PCCA: variants seen among roughly 807,000 people sequenced by gnomAD.
PCCA encodes the protein propionyl-CoA carboxylase subunit alpha.
Under a neutral mutation model 101.3 loss-of-function variants are expected in PCCA, and 74 were observed. The observed-to-expected ratio is 0.73, with a 90% CI of 0.61 to 0.89. PCCA has a LOEUF of 0.89. PCCA is among the 40% of genes least tolerant of loss of function. The probability of loss-of-function intolerance (pLI) is 0.00; values close to 1 mark genes in which losing one functional copy is unlikely to be tolerated. For missense variants in PCCA, 891 were observed against 907.0 expected (o/e 0.98, Z 0.23); for synonymous variants, 294 against 313.6 (o/e 0.94, Z 0.66).
intron 7 of PCCA, among the ~76,000 whole-genome samples, chr13:100,218,080 A>T (rs1248721675): frequency 6.6e-6 from 1 of 151,652 alleles, no homozygotes; most frequent in Non-Finnish European, 1.5e-5. Flanking sequence ...GTCTAAAAAA[A>T]AAAAAAAATC....
intron 4 of PCCA, among the ~76,000 whole-genome samples, chr13:100,148,675 A>C (rs1594371016): frequency 6.6e-6 from 1 of 152,300 alleles, no homozygotes; most frequent in Non-Finnish European, 1.5e-5. Flanking sequence ...CTTGCAAGAC[A>C]AAGACTAAAA....
intron 20 of PCCA, among the ~76,000 whole-genome samples, chr13:100,437,077 A>G (rs2079988077): frequency 6.6e-6 from 1 of 152,150 alleles, no homozygotes; most frequent in South Asian, 2.1e-4. Context: ...TGACAAGTGT[A>G]GATAGCTATT....
intron 8 of PCCA, among the ~76,000 whole-genome samples, chr13:100,251,149 T>G (rs2061727447): frequency 6.6e-6 from 1 of 152,164 alleles, no homozygotes; most frequent in Non-Finnish European, 1.5e-5. Context: ...AGTATTATGA[T>G]AACTGAGATA....
intron 21 of PCCA, among the ~76,000 whole-genome samples, chr13:100,469,624 G>A (rs539832842): frequency 6.6e-6 from 1 of 151,766 alleles, no homozygotes; most frequent in East Asian, 1.9e-4. Context: ...TAAAAATACA[G>A]TATTAGCTGG....
intron 23 of PCCA, among the ~76,000 whole-genome samples, chr13:100,528,726 A>G (rs894663130): frequency 2.0e-5 from 3 of 152,228 alleles, no homozygotes; most frequent in African/African-American, 4.8e-5. Context: ...GAGTAGAATG[A>G]CATGATTTGT....
chr13:100,302,718 T>C (rs1008778184), intron 13 of PCCA, among the ~76,000 whole-genome samples: 1 of 152,208 alleles, frequency 6.6e-6, no homozygotes, highest in African/African-American at 2.4e-5. Flanking sequence ...AAGGTCAGGC[T>C]AAATTCTGCT....
intron 19 of PCCA, among the ~76,000 whole-genome samples, chr13:100,395,419 TAATC>T (rs947993894): frequency 6.6e-6 from 1 of 152,186 alleles, no homozygotes; most frequent in African/African-American, 2.4e-5. Context: ...AGATTAAAAA[TAATC>T]AACAAAGGCT....
chr13:100,284,586 C>T (rs149546888), intron 12 of PCCA, among the ~76,000 whole-genome samples: 239 of 151,162 alleles, frequency 1.6e-3, no homozygotes, highest in African/African-American at 5.5e-3. Flanking sequence ...AAAAACTGAA[C>T]GGTCAGTGGA....
In PCCA at chr13:100,264,160, GTATCTGTATATCGTATATATGTGA is replaced by G. The variant is rs1566823141; in HGVS notation, c.819+1342_819+1365del. Among the ~76,000 whole-genome samples the G allele has an allele frequency of 1.0e-4, 7 of 66,880 alleles. 3 individuals carry two copies. The highest frequency in any genetic ancestry group is 7.4e-4 in the South Asian group (2 of 2,686). The allele number at this position is 66,880 out of a possible 152,430, so 43.9% of individuals were successfully genotyped here. On this transcript the variant is annotated intron_variant, in intron 10 of 23. Coordinates refer to ENST00000376285, the MANE Select transcript of PCCA (RefSeq NM_000282.4). ...GGTATCTGTATATCGTATATATATG[GTATCTGTATATCGTATATATGTGA>G]TATCTGTATATCATATATGTGATAT... is the stretch of plus-strand genomic sequence containing the variant.
intron 22 of PCCA, among the ~76,000 whole-genome samples, chr13:100,521,579 C>A (rs1191177059): frequency 6.6e-6 from 1 of 152,228 alleles, no homozygotes; most frequent in Non-Finnish European, 1.5e-5. Flanking sequence ...CAGGAAATAT[C>A]AGGGGATATT....
intron 21 of PCCA, among the ~76,000 whole-genome samples, chr13:100,464,249 TAG>T (rs1436882963): frequency 1.3e-5 from 2 of 152,200 alleles, no homozygotes; most frequent in Non-Finnish European, 2.9e-5. Context: ...GAGGAATAAG[TAG>T]AGTTTGTCTT....
At chr13:100,488,249 A>G (rs1378943750) in intron 21 of PCCA, among the ~76,000 whole-genome samples, 2 of 152,082 alleles carry the variant, frequency 1.3e-5, no homozygotes, top group Admixed American at 6.5e-5. Context: ...ATGCGCCACC[A>G]TGCACGGCTA....
intron 6 of PCCA, among the ~76,000 whole-genome samples, chr13:100,204,474 T>G (rs2058733678): frequency 6.6e-6 from 1 of 152,220 alleles, no homozygotes; most frequent in African/African-American, 2.4e-5. Flanking sequence ...CCTGGTTTTG[T>G]AGTTATCCAA....
intron 6 of PCCA, among the ~76,000 whole-genome samples, chr13:100,169,161 G>A (rs1011540867): frequency 6.6e-6 from 1 of 152,156 alleles, no homozygotes; most frequent in Non-Finnish European, 1.5e-5. Flanking sequence ...CCTTAATTTG[G>A]CCAGGCGCAG....
intron 4 of PCCA, among the ~76,000 whole-genome samples, chr13:100,115,436 G>T (rs1305601538): frequency 6.6e-6 from 1 of 152,142 alleles, no homozygotes; most frequent in African/African-American, 2.4e-5. Flanking sequence ...TGGGATGCTT[G>T]TAACACAAAT....
chr13:100,488,255 G>A (rs1167881612), intron 21 of PCCA, among the ~76,000 whole-genome samples: 4 of 152,016 alleles, frequency 2.6e-5, no homozygotes, highest in African/African-American at 4.8e-5. Flanking sequence ...CACCATGCAC[G>A]GCTAATTTTG....
chr13:100,201,937 C>A (rs1323185268), intron 6 of PCCA, among the ~76,000 whole-genome samples: 3 of 148,890 alleles, frequency 2.0e-5, no homozygotes, highest in African/African-American at 7.4e-5. Flanking sequence ...CACTAGTTTG[C>A]AAACCTCTGT....
chr13:100,182,924 T>C (rs879303002), intron 6 of PCCA, among the ~76,000 whole-genome samples: 59 of 152,168 alleles, frequency 3.9e-4, no homozygotes, highest in Non-Finnish European at 4.9e-4. Context: ...TTTGCTGAGT[T>C]TGGGAAAAGG....
At chr13:100,477,949 G>A (rs954871588) in intron 21 of PCCA, among the ~76,000 whole-genome samples, 17 of 152,322 alleles carry the variant, frequency 1.1e-4, no homozygotes, top group Admixed American at 2.6e-4. Context: ...GCCTGTGGCC[G>A]CGGGCAGTAC....
Sources: allele counts gnomAD v4.1 joint callset (sites outside exome capture counted in the v4.1 genomes callset), GRCh38; gene constraint gnomAD v4.1.1; transcripts MANE v1.5; gene names NCBI Gene and HGNC (gene_info 2026-07-23, HGNC 2026-07-21).